The following CAPN8 variants were observed in gnomAD, a reference collection of about 807,000 sequenced individuals.
CAPN8 encodes the protein calpain 8.
A neutral mutation model predicts 80.9 loss-of-function variants in CAPN8; 87 were observed. That is an observed-to-expected ratio of 1.07 (90% CI 0.90 to 1.28). The LOEUF (loss-of-function observed/expected upper bound fraction) is 1.28, where lower values mean the gene tolerates loss of function less well. Among genes scored for constraint, CAPN8 ranks in the 50% most tolerant of loss-of-function variants. The pLI is 0.00. For missense variants in CAPN8, 757 were observed against 702.0 expected, an observed-to-expected ratio of 1.08 and a Z score of -0.89; for synonymous variants, 299 against 273.8, an observed-to-expected ratio of 1.09 and a Z score of -0.91.
At chr1:223,555,343 C>T (rs954372425) in intron 13 of CAPN8, among the ~76,000 whole-genome samples, 3 of 152,316 alleles carry the variant, frequency 2.0e-5, no homozygotes, top group South Asian at 2.1e-4. Flanking sequence ...CTGGAATGAT[C>T]GTCAGAGAAG....
At chr1:223,552,037 AC>A (rs1380291165) in intron 14 of CAPN8, among the ~76,000 whole-genome samples, 1 of 152,180 alleles carries the variant, frequency 6.6e-6, no homozygotes, top group Non-Finnish European at 1.5e-5. Context: ...AGGCAGGATG[AC>A]CAAGGAAATG....
At chr1:223,655,397 A>G (rs1317439039) in intron 1 of CAPN8, among the ~76,000 whole-genome samples, 1 of 152,166 alleles carries the variant, frequency 6.6e-6, no homozygotes, top group African/African-American at 2.4e-5. Context: ...ACAATGACAC[A>G]TGCTTTAGTC....
chr1:223,628,238 G>T, intron 3 of CAPN8, 96 bp from the exon 4 acceptor site: 1 of 1,380,380 alleles, frequency 7.2e-7, no homozygotes, highest in Non-Finnish European at 9.6e-7. Flanking sequence ...TGTGCCATCA[G>T]TGTTCGAGTC....
chr1:223,628,155 G>T lies in CAPN8; in HGVS notation c.427-13C>A, dbSNP rs1377213261. 6.5e-7 allele frequency: 1 copy of T among 1,532,278 alleles called. No individual in the cohort carries two copies. The highest frequency in any genetic ancestry group is 8.8e-7 in the Non-Finnish European group (1 of 1,135,790). 94.9% of individuals were successfully genotyped at this position (1,532,278 alleles called of 1,614,324 possible). On this transcript the variant is annotated splice_polypyrimidine_tract_variant and intron_variant, in intron 3 of 20. Coordinates refer to ENST00000366872, the MANE Select transcript of CAPN8 (RefSeq NM_001143962.2). ...CGTACTGCCAGAACTGGGGAGGGGG[G>T]ACACAGCGGCTGCTCACATGAATAA...
intron 1 of CAPN8, among the ~76,000 whole-genome samples, chr1:223,654,623 G>T (rs1658429027): frequency 6.6e-6 from 1 of 152,136 alleles, no homozygotes. Flanking sequence ...CTGGAGTCCA[G>T]AGCCCCTGCC....
In CAPN8 at chr1:223,557,015, T is replaced by C. The variant is rs997952860; in HGVS notation, c.1572+1116A>G. ...CAGAAAGGGCCTCTGGCGCCAGGTA[T>C]TGCCACCAACTCGAGGCAGGGGGCG... On this transcript the variant is annotated intron_variant, in intron 13 of 20. Transcript: ENST00000366872. Among the ~76,000 whole-genome samples, 770 of 152,226 alleles carry C rather than the reference T, an allele frequency of 5.1e-3. 5 individuals carry two copies. Among genetic ancestry groups the C allele is most frequent in the Non-Finnish European group, 8.5e-3 (579 of 67,998 alleles).
At chr1:223,664,814 C>T (rs886085578) in intron 1 of CAPN8, among the ~76,000 whole-genome samples, 1 of 152,188 alleles carries the variant, frequency 6.6e-6, no homozygotes, top group African/African-American at 2.4e-5. Flanking sequence ...TGGCACGTGC[C>T]TATAATCCCA....
rs951670015 is a variant in CAPN8 at position 223,622,832 on chromosome 1, C to T, written c.882G>A (p.Ser294=). The change falls in exon 7 of 21, where the codon TCG becomes TCA. Residue 294 remains serine (S), a synonymous_variant. Transcript: ENST00000366872. ...AAACCTACTCATCGCTCCAGGCTCC[C>T]GACCACTCCACTTCACCCCATGGAT... The part of the protein sequence containing the change: ...LRNPWGEVEW[S]GAWSDDAPEW... 1.7e-5 allele frequency: 27 copies of T among 1,551,538 alleles called. No homozygotes were observed. The highest frequency in any genetic ancestry group is 1.2e-4 in the African/African-American group (9 of 73,016).
At chr1:223,620,131 A>G in intron 8 of CAPN8, 61 bp downstream of exon 8, 1 of 1,412,802 alleles carries the variant, frequency 7.1e-7, no homozygotes. Flanking sequence ...TAGAGTTCAC[A>G]TCAGAACTGA....
intron 20 of CAPN8, 94 bp downstream of exon 20, chr1:223,543,014 C>T (rs772633049): frequency 1.7e-4 from 236 of 1,402,068 alleles, no homozygotes; most frequent in Non-Finnish European, 2.1e-4. Context: ...GGAACTAAGA[C>T]AGCCAACAGG....
chr1:223,543,967 C>T, intron 19 of CAPN8, 100 bp downstream of exon 19: 1 of 647,374 alleles, frequency 1.5e-6, no homozygotes, highest in Non-Finnish European at 2.8e-6. Context: ...GGGTCCCTGG[C>T]CTCCTAAAGG....
At chr1:223,558,110 G>T (rs1656946318) in intron 13 of CAPN8, 21 bp downstream of exon 13, 2 of 398,574 alleles carry the variant, frequency 5.0e-6, no homozygotes, top group Non-Finnish European at 8.8e-6. Flanking sequence ...TCAGAGTTTG[G>T]CATACAAAAA....
chr1:223,543,726 A>C (rs1656536417), intron 19 of CAPN8, among the ~76,000 whole-genome samples: 1 of 152,242 alleles, frequency 6.6e-6, no homozygotes, highest in Non-Finnish European at 1.5e-5. Context: ...AAAAACAAAT[A>C]TAAATAGACA....
At chr1:223,638,389 C>T (rs1039321677) in intron 2 of CAPN8, among the ~76,000 whole-genome samples, 2 of 151,756 alleles carry the variant, frequency 1.3e-5, no homozygotes, top group African/African-American at 2.4e-5. Context: ...ATGTGGTCTC[C>T]AGTTGGCTAG....
intron 1 of CAPN8, among the ~76,000 whole-genome samples, chr1:223,657,540 GT>G (rs1558358660): frequency 6.6e-6 from 1 of 152,124 alleles, no homozygotes; most frequent in South Asian, 2.1e-4. Flanking sequence ...GCCAAAGTGT[GT>G]GGATCACTTG....
chr1:223,542,464 A>G (rs1656493435), intron 20 of CAPN8, among the ~76,000 whole-genome samples: 2 of 152,102 alleles, frequency 1.3e-5, no homozygotes, highest in Admixed American at 1.3e-4. Flanking sequence ...AGAGAAGAAA[A>G]GAAAGTGGGT....
In CAPN8 at chr1:223,665,373, C is replaced by T. The variant is rs996347339; in HGVS notation, c.237+37G>A. The T allele has an allele frequency of 5.9e-6, 9 of 1,517,068 alleles. No individual in the cohort carries two copies. In the African/African-American group the frequency reaches 8.3e-5, roughly 14 times the overall value. 94.0% of individuals were successfully genotyped at this position (1,517,068 alleles called of 1,614,324 possible). A position where few individuals can be genotyped will look rare whatever the true frequency, so the allele number is the denominator to read the frequency against. On this transcript the variant is annotated intron_variant, in intron 1 of 20. Coordinates refer to ENST00000366872, the MANE Select transcript of CAPN8 (RefSeq NM_001143962.2). ...CCTGATCAGATGTAAGGCCCCTCCA[C>T]CTTGTATGTCACTCAACAGCAAGCC...
intron 2 of CAPN8, among the ~76,000 whole-genome samples, chr1:223,652,720 G>C (rs749369627): frequency 2.6e-4 from 39 of 152,064 alleles, no homozygotes; most frequent in Non-Finnish European, 4.9e-4. Context: ...CTCCTTTCAG[G>C]AGATTGGACT....
At chr1:223,637,137 C>G (rs984269662) in intron 2 of CAPN8, among the ~76,000 whole-genome samples, 1 of 152,156 alleles carries the variant, frequency 6.6e-6, no homozygotes, top group Admixed American at 6.5e-5. Flanking sequence ...GACTTTTTGA[C>G]CTCCCACAAG....
Sources: gnomAD v4.1 joint callset for allele counts (sites outside exome capture counted in the v4.1 genomes callset) on GRCh38, gnomAD v4.1.1 for gene constraint, MANE v1.5 for transcripts, NCBI Gene and HGNC (gene_info 2026-07-23, HGNC 2026-07-21) for gene names.